CAMTA1: variants seen among roughly 807,000 people sequenced by gnomAD.
The protein encoded by CAMTA1 is calmodulin-binding transcription activator 1.
CAMTA1 carries 27 observed loss-of-function variants against 170.9 expected under a neutral mutation model. The observed-to-expected ratio is 0.16, with a 90% CI of 0.12 to 0.22. The LOEUF is 0.22. Among genes scored for constraint, CAMTA1 ranks in the 10% least tolerant of loss-of-function variants. The probability of loss-of-function intolerance (pLI) is 1.00; values close to 1 mark genes in which losing one functional copy is unlikely to be tolerated. For missense variants in CAMTA1, 1,619 were observed against 2,217.2 expected, an observed-to-expected ratio of 0.73 and a Z score of 5.42; for synonymous variants, 833 against 891.5, an observed-to-expected ratio of 0.93 and a Z score of 1.17.
intron 3 of CAMTA1, among the ~76,000 whole-genome samples, chr1:6,997,511 G>A (rs867633065): frequency 6.6e-6 from 1 of 151,934 alleles, no homozygotes; most frequent in South Asian, 2.1e-4. Flanking sequence ...TCAATTTCAG[G>A]TTTTTACACA....
At chr1:7,711,476 G>A (rs1196343069) in intron 11 of CAMTA1, among the ~76,000 whole-genome samples, 2 of 152,162 alleles carry the variant, frequency 1.3e-5, no homozygotes, top group South Asian at 2.1e-4. Flanking sequence ...ACACTTGATT[G>A]TCATAGTCCT....
intron 6 of CAMTA1, among the ~76,000 whole-genome samples, chr1:7,591,059 C>T (rs2095351731): frequency 6.6e-6 from 1 of 152,180 alleles, no homozygotes; most frequent in Admixed American, 6.5e-5. Flanking sequence ...TGCGGTCTGC[C>T]ATTTCCCCCA....
intron 4 of CAMTA1, among the ~76,000 whole-genome samples, chr1:7,185,316 T>C (rs1249881879): frequency 6.6e-6 from 1 of 151,970 alleles, no homozygotes; most frequent in Non-Finnish European, 1.5e-5. Flanking sequence ...GGTAGCAGGG[T>C]GATATGGTTA....
chr1:7,578,248 T>C (rs1427379753), intron 6 of CAMTA1, among the ~76,000 whole-genome samples: 3 of 152,212 alleles, frequency 2.0e-5, no homozygotes, highest in African/African-American at 7.2e-5. Flanking sequence ...CTGTGGATCC[T>C]GTTGGAGGGG....
At position 7,585,169 on chromosome 1, in the gene CAMTA1, G is replaced by T. The variant is rs6698960; in HGVS notation, c.511-55231G>T. Among the ~76,000 whole-genome samples, 10,549 of 152,210 alleles carry T rather than the reference G, an allele frequency of 0.069. 1,260 individuals carry two copies. Among genetic ancestry groups the T allele is most frequent in the African/African-American group, 0.24 (10,056 of 41,482 alleles). ...CCACCAAATGAGTTATGAACAAGCT[G>T]TGGCTTTTAGAGCTTTATGGATTTT... On this transcript the variant is annotated intron_variant, in intron 6 of 22. Coordinates refer to ENST00000303635, the MANE Select transcript of CAMTA1 (RefSeq NM_015215.4). The surrounding 1 kb of genome is among the most constrained non-coding windows in gnomAD (Gnocchi z 4.8).
At chr1:7,404,244 C>G (rs2090128321) in intron 5 of CAMTA1, among the ~76,000 whole-genome samples, 2 of 152,216 alleles carry the variant, frequency 1.3e-5, no homozygotes, top group African/African-American at 4.8e-5. Flanking sequence ...GTTTCTGAAC[C>G]TCTTTCTGGG....
chr1:6,805,418 T>C (rs1644398737), intron 1 of CAMTA1, among the ~76,000 whole-genome samples: 1 of 152,256 alleles, frequency 6.6e-6, no homozygotes, highest in African/African-American at 2.4e-5. Context: ...ATATGTGTTC[T>C]AGATATCAGT....
chr1:7,361,115 A>T (rs1178711623), intron 5 of CAMTA1, among the ~76,000 whole-genome samples: 3 of 152,194 alleles, frequency 2.0e-5, no homozygotes, highest in Non-Finnish European at 4.4e-5. Flanking sequence ...CTGCCTGGCC[A>T]ATGGGCTGCT....
intron 3 of CAMTA1, among the ~76,000 whole-genome samples, chr1:6,994,811 G>T (rs1200867853): frequency 6.6e-6 from 1 of 151,856 alleles, no homozygotes; most frequent in Non-Finnish European, 1.5e-5. Context: ...GGGACTACAG[G>T]CGTGCACCAC....
At chr1:6,825,572 T>C (rs748341804) in intron 3 of CAMTA1, among the ~76,000 whole-genome samples, 1 of 152,210 alleles carries the variant, frequency 6.6e-6, no homozygotes, top group Non-Finnish European at 1.5e-5. Flanking sequence ...AGTCCCACTG[T>C]TCCACAGAAT....
rs1447903181 is a variant in CAMTA1, at chr1:7,767,663, A to T, written c.*1172A>T. The T allele has an allele frequency of 6.6e-6, 1 of 151,956 alleles. No homozygotes were observed. The highest frequency in any genetic ancestry group is 2.4e-5 in the African/African-American group (1 of 41,410). The allele number at this position is 151,956 out of a possible 1,614,324, so 9.4% of individuals were successfully genotyped here. A position where few individuals can be genotyped will look rare whatever the true frequency, so the allele number is the denominator to read the frequency against. ...AGAAAAATGTGGATGTACTGTTTGT[A>T]TATATTGTATATATTAAAACAGAGA... is the stretch of plus-strand genomic sequence containing the variant. On this transcript the variant is annotated 3_prime_UTR_variant, in exon 23 of 23. Transcript: ENST00000303635.
intron 7 of CAMTA1, among the ~76,000 whole-genome samples, chr1:7,660,607 C>T (rs538380101): frequency 3.9e-4 from 59 of 152,306 alleles, no homozygotes; most frequent in Admixed American, 1.1e-3. Flanking sequence ...CCTGCCATGT[C>T]GACGCTCTCC....
intron 6 of CAMTA1, among the ~76,000 whole-genome samples, chr1:7,594,009 T>C (rs1320684603): frequency 2.9e-5 from 4 of 138,398 alleles, no homozygotes; most frequent in Non-Finnish European, 6.1e-5. Context: ...ACCACTACAC[T>C]CCAGCCTGGG....
At position 7,249,488 on chromosome 1, in the gene CAMTA1, C is replaced by T; in HGVS notation, c.303-3C>T. On this transcript the variant is annotated splice_region_variant and splice_polypyrimidine_tract_variant and intron_variant, in intron 4 of 22. Transcript: ENST00000303635. The surrounding 1 kb of genome is among the most constrained non-coding windows in gnomAD (Gnocchi z 4.4). ...TGGTAACTTAACCATTTGTTGTTTC[C>T]AGACCACAGAATGGCTCAATGATAC... The T allele has an allele frequency of 6.2e-7, 1 of 1,609,516 alleles. No homozygotes were observed. The highest frequency in any genetic ancestry group is 8.5e-7 in the Non-Finnish European group (1 of 1,177,530).
At chr1:7,623,350 G>A (rs893476784) in intron 6 of CAMTA1, among the ~76,000 whole-genome samples, 1 of 152,190 alleles carries the variant, frequency 6.6e-6, no homozygotes, top group Non-Finnish European at 1.5e-5. Flanking sequence ...CTCTATAGAA[G>A]AGGCAGCTGT....
At chr1:6,903,686 G>A (rs1677632803) in intron 3 of CAMTA1, among the ~76,000 whole-genome samples, 1 of 152,146 alleles carries the variant, frequency 6.6e-6, no homozygotes, top group Non-Finnish European at 1.5e-5. Flanking sequence ...TTATTTACCA[G>A]TTCACCATCT....
At chr1:7,079,186 C>G (rs536657306) in intron 3 of CAMTA1, among the ~76,000 whole-genome samples, 15 of 152,266 alleles carry the variant, frequency 9.9e-5, no homozygotes, top group Admixed American at 7.8e-4. Flanking sequence ...AGTAGGGTAA[C>G]AACATTTCTG....
intron 5 of CAMTA1, among the ~76,000 whole-genome samples, chr1:7,360,050 C>T (rs541942714): frequency 1.3e-3 from 197 of 152,258 alleles, no homozygotes; most frequent in African/African-American, 4.1e-3. Context: ...GTAGAAGCAT[C>T]ACCTTGTCCT....
At chr1:6,889,860 C>G (rs920016422) in intron 3 of CAMTA1, among the ~76,000 whole-genome samples, 57 of 152,084 alleles carry the variant, frequency 3.7e-4, no homozygotes, top group African/African-American at 1.3e-3. Context: ...GTTTGATCAG[C>G]TTACTGTTTT....
Sources: allele counts gnomAD v4.1 joint callset (sites outside exome capture counted in the v4.1 genomes callset), GRCh38; gene constraint gnomAD v4.1.1; non-coding constraint Gnocchi (gnomAD v3.1); transcripts MANE v1.5; gene names NCBI Gene and HGNC (gene_info 2026-07-23, HGNC 2026-07-21).